HPRT1: variants seen among roughly 807,000 people sequenced by gnomAD.
The protein encoded by HPRT1 is hypoxanthine phosphoribosyltransferase 1.
A neutral mutation model predicts 19.0 loss-of-function variants in HPRT1; 4 were observed. The ratio of observed to expected loss-of-function variants is 0.21; its 90% CI spans 0.10 to 0.48. The LOEUF (loss-of-function observed/expected upper bound fraction) is 0.48, where lower values mean the gene tolerates loss of function less well. Ranked by LOEUF, HPRT1 falls within the 20% of genes least tolerant of loss-of-function variation. The pLI is 0.98. For synonymous variants in HPRT1, 53 were observed against 54.9 expected (o/e 0.97, Z 0.15); for missense variants, 65 against 164.0 (o/e 0.40, Z 3.30).
At chrX:134,497,141 A>G (rs372540269) in intron 6 of HPRT1, among the ~76,000 whole-genome samples, 1 of 111,739 alleles carries the variant, frequency 8.9e-6, no homozygotes, top group East Asian at 2.8e-4. Flanking sequence ...TTTTACCCTA[A>G]AGTTCCTCTT....
intron 3 of HPRT1, among the ~76,000 whole-genome samples, chrX:134,479,120 G>T (rs2077632693): frequency 8.9e-6 from 1 of 111,967 alleles, no homozygotes; most frequent in African/African-American, 3.2e-5. Flanking sequence ...GTCAAGACGG[G>T]AGGCTGGCTT....
In HPRT1 at chrX:134,465,618, G is replaced by A. The variant is rs776730571; in HGVS notation, c.27+5280G>A. ...TCAATACTCTTTCAGATTAATAAAA[G>A]TACCTGTAGCGATTTTTATCATTCA... On this transcript the variant is annotated intron_variant, in intron 1 of 8. Coordinates refer to ENST00000298556, the MANE Select transcript of HPRT1 (RefSeq NM_000194.3). 3.6e-5 allele frequency among the ~76,000 whole-genome samples: 4 copies of A among 112,581 alleles called. No individual in the cohort carries two copies. In the East Asian group the frequency reaches 8.3e-4, roughly 23 times the overall value.
chrX:134,497,221 C>T (rs777685692), intron 6 of HPRT1, among the ~76,000 whole-genome samples: 2 of 111,720 alleles, frequency 1.8e-5, no homozygotes, highest in African/African-American at 3.2e-5. Flanking sequence ...CCCAGCTACT[C>T]GGAAGGCTGA....
Position 134,468,298 on chromosome X carries a change from AGTG to A in HPRT1, c.28-5059_28-5057del, listed in dbSNP as rs2077602351. On this transcript the variant is annotated intron_variant, in intron 1 of 8. Coordinates refer to ENST00000298556, the MANE Select transcript of HPRT1 (RefSeq NM_000194.3). ...AGTGATAAGGATACAGGTTCTGAAT[AGTG>A]GGTCCTTACCATTTAAGAATTAGTA... Among the ~76,000 whole-genome samples the A allele has an allele frequency of 2.7e-5, 3 of 110,441 alleles. No individual in the cohort carries two copies. The South Asian group carries it at 1.2e-3, about 43-fold the overall frequency.
At chrX:134,494,630 A>G (rs2077675599) in intron 6 of HPRT1, among the ~76,000 whole-genome samples, 2 of 112,199 alleles carry the variant, frequency 1.8e-5, no homozygotes, top group Non-Finnish European at 3.8e-5. Flanking sequence ...GACACTAACT[A>G]GTATCCTATG....
At chrX:134,468,013 C>T (rs972095041) in intron 1 of HPRT1, among the ~76,000 whole-genome samples, 6 of 107,654 alleles carry the variant, frequency 5.6e-5, no homozygotes, top group African/African-American at 2.0e-4. Flanking sequence ...GGTTTTACCA[C>T]GTTGGCCAGG....
At chrX:134,465,501 G>C (rs1025057329) in intron 1 of HPRT1, among the ~76,000 whole-genome samples, 9 of 111,861 alleles carry the variant, frequency 8.0e-5, no homozygotes, top group Non-Finnish European at 1.1e-4. Context: ...TATAATGCCA[G>C]TTTTACTGGA....
chrX:134,496,240 T>G (rs1194348342), intron 6 of HPRT1, among the ~76,000 whole-genome samples: 1 of 112,274 alleles, frequency 8.9e-6, no homozygotes, highest in Non-Finnish European at 1.9e-5. Flanking sequence ...ACAACACTTG[T>G]TACTGTCCTT....
In HPRT1 at chrX:134,460,205, G is replaced by C. The variant is rs2077578667; in HGVS notation, c.-107G>C. The C allele has an allele frequency of 6.6e-6, 6 of 902,763 alleles. No individual in the cohort carries two copies. Among genetic ancestry groups the C allele is most frequent in the South Asian group, 2.2e-5 (1 of 45,976 alleles). The allele number at this position is 902,763 out of a possible 1,213,427, so 74.4% of individuals were successfully genotyped here. A position where few individuals can be genotyped will look rare whatever the true frequency, so the allele number is the denominator to read the frequency against. The stretch of plus-strand genomic sequence containing the variant: ...CGACGAGCCCTCAGGCGAACCTCTC[G>C]GCTTTCCCGCGCGGCGCCGCCTCTT... On this transcript the variant is annotated 5_prime_UTR_variant, in exon 1 of 9. Coordinates refer to ENST00000298556, the MANE Select transcript of HPRT1 (RefSeq NM_000194.3).
chrX:134,473,303 A>G, intron 1 of HPRT1, 56 bp from the exon 2 acceptor site: 5 of 745,753 alleles, frequency 6.7e-6, no homozygotes, highest in Non-Finnish European at 1.1e-5. Context: ...TCTTAATCCA[A>G]TCAAATGTTT....
chrX:134,466,681 A>G (rs1380124467), intron 1 of HPRT1, among the ~76,000 whole-genome samples: 1 of 112,165 alleles, frequency 8.9e-6, no homozygotes, highest in Admixed American at 9.5e-5. Flanking sequence ...ATGCAACACC[A>G]AGTCACAAAT....
In HPRT1 at chrX:134,500,015, GA is replaced by G; in HGVS notation, c.610-14del. The G allele has an allele frequency of 9.0e-7, 1 of 1,109,005 alleles. No individual in the cohort carries two copies. The highest frequency in any genetic ancestry group is 1.2e-6 in the Non-Finnish European group (1 of 802,682). The allele number at this position is 1,109,005 out of a possible 1,213,427, so 91.4% of individuals were successfully genotyped here. On this transcript the variant is annotated splice_polypyrimidine_tract_variant and intron_variant, in intron 8 of 8. Coordinates refer to ENST00000298556, the MANE Select transcript of HPRT1 (RefSeq NM_000194.3). ...TATACTTTTTAAATGTGAATTTCTG[GA>G]TTTTTTTTTATAGCATGTTTGTGTC... is the stretch of plus-strand genomic sequence containing the variant.
intron 3 of HPRT1, among the ~76,000 whole-genome samples, chrX:134,481,158 A>G (rs2077638606): frequency 9.1e-6 from 1 of 109,425 alleles, no homozygotes. Flanking sequence ...AATCCCAAAT[A>G]CAGCACAATT....
At chrX:134,493,847 A>G (rs1013035939) in intron 6 of HPRT1, among the ~76,000 whole-genome samples, 1 of 111,560 alleles carries the variant, frequency 9.0e-6, no homozygotes. Context: ...CCTGAATAGC[A>G]TGGCAGAGGA....
At chrX:134,478,948 A>G (rs2515695) in intron 3 of HPRT1, among the ~76,000 whole-genome samples, 1,626 of 112,421 alleles carry the variant, frequency 0.014, 29 homozygotes, top group African/African-American at 0.048. Context: ...TAATACATCA[A>G]TTTTAGAGCT....
chrX:134,492,267 A>G lies in HPRT1; in HGVS notation c.403-1241A>G, dbSNP rs369985205. Among the ~76,000 whole-genome samples the G allele has an allele frequency of 2.3e-4, 25 of 109,122 alleles. 1 individual carries two copies. The East Asian group carries it at 4.0e-3, about 17-fold the overall frequency. The allele number at this position is 109,122 out of a possible 115,157, so 94.8% of individuals were successfully genotyped here. ...TGAATACCTACGTACCCACAAAAGT[A>G]TTAACATTTTGCCATATTTGCTTCT... On this transcript the variant is annotated intron_variant, in intron 5 of 8. Coordinates refer to ENST00000298556, the MANE Select transcript of HPRT1 (RefSeq NM_000194.3).
chrX:134,462,716 T>C (rs2077587960), intron 1 of HPRT1, among the ~76,000 whole-genome samples: 1 of 112,396 alleles, frequency 8.9e-6, no homozygotes, highest in Non-Finnish European at 1.9e-5. Flanking sequence ...TCTTTGAACA[T>C]AAGATACTCA....
intron 3 of HPRT1, among the ~76,000 whole-genome samples, chrX:134,477,676 G>A (rs1228453587): frequency 9.0e-6 from 1 of 110,941 alleles, no homozygotes; most frequent in African/African-American, 3.3e-5. Flanking sequence ...TTGATTTGAA[G>A]TAAAGTTTTT....
chrX:134,490,131 T>C (rs1031068278), intron 4 of HPRT1, 57 bp from the exon 5 acceptor site: 35 of 773,735 alleles, frequency 4.5e-5, no homozygotes, highest in African/African-American at 4.3e-4. Context: ...ATTTGACTTA[T>C]AATTGGAAAT....
Sources: allele counts gnomAD v4.1 joint callset (sites outside exome capture counted in the v4.1 genomes callset), GRCh38; gene constraint gnomAD v4.1.1; transcripts MANE v1.5; gene names NCBI Gene and HGNC (gene_info 2026-07-23, HGNC 2026-07-21).